Variants in CLGN observed in about 807,000 individuals in gnomAD.
The protein encoded by CLGN is testis tissue sperm-binding protein Li 79P.
A neutral mutation model predicts 79.1 loss-of-function variants in CLGN; 62 were observed. The ratio of observed to expected loss-of-function variants is 0.78; its 90% CI spans 0.64 to 0.97. The LOEUF (loss-of-function observed/expected upper bound fraction) is 0.97. Among genes scored for constraint, CLGN ranks in the 50% least tolerant of loss-of-function variants. CLGN has a pLI of 0.00. For synonymous variants in CLGN, 225 were observed against 224.7 expected, an observed-to-expected ratio of 1.00 and a Z score of -0.01; for missense variants, 647 against 715.5, an observed-to-expected ratio of 0.90 and a Z score of 1.09.
chr4:140,392,760 T>C, intron 11 of CLGN, 49 bp from the exon 12 acceptor site: 1 of 1,515,628 alleles, frequency 6.6e-7, no homozygotes, highest in Non-Finnish European at 8.8e-7. Flanking sequence ...TACAAACCTT[T>C]ACTGGGTAAC....
At chr4:140,399,140 C>CT (rs1728951024) in intron 7 of CLGN, 100 bp from the exon 8 acceptor site, 1 of 916,492 alleles carries the variant, frequency 1.1e-6, no homozygotes, top group Non-Finnish European at 1.5e-6. Flanking sequence ...ATGGGTAAAG[C>CT]TTTTTTCCCA....
chr4:140,396,036 C>T, intron 9 of CLGN, 56 bp downstream of exon 9: 1 of 1,609,546 alleles, frequency 6.2e-7, no homozygotes, highest in Admixed American at 1.7e-5. Context: ...AAACTAGTAA[C>T]AAAAATGCAT....
At chr4:140,395,787 T>G (rs574130294) in intron 10 of CLGN, 32 bp downstream of exon 10, 1 of 1,356,920 alleles carries the variant, frequency 7.4e-7, no homozygotes, top group South Asian at 2.6e-5. Flanking sequence ...CATTTTTAAC[T>G]TCACTAAATA....
chr4:140,395,800 TG>T lies in CLGN; in HGVS notation c.1149+18del, dbSNP rs1412882906. ...AACATTTTTAACTTCACTAAATAAT[TG>T]GAACAAGCGGTTGTTACCTGATAGT... On this transcript the variant is annotated intron_variant, in intron 10 of 14. Coordinates refer to ENST00000325617, the MANE Select transcript of CLGN (RefSeq NM_004362.3). The T allele has an allele frequency of 2.1e-5, 29 of 1,382,396 alleles. No homozygotes were observed. The highest frequency in any genetic ancestry group is 2.6e-5 in the Non-Finnish European group (28 of 1,061,960). 85.6% of individuals were successfully genotyped at this position (1,382,396 alleles called of 1,614,324 possible). A position where few individuals can be genotyped will look rare whatever the true frequency, so the allele number is the denominator to read the frequency against.
chr4:140,404,216 C>T (rs911216320), intron 5 of CLGN, among the ~76,000 whole-genome samples: 2 of 151,998 alleles, frequency 1.3e-5, no homozygotes, highest in South Asian at 4.2e-4. Flanking sequence ...GCCTCAGCCT[C>T]CCGAGTAGCT....
chr4:140,394,142 G>T, intron 10 of CLGN, 101 bp from the exon 11 acceptor site: 1 of 741,626 alleles, frequency 1.3e-6, no homozygotes. Flanking sequence ...AATGCTAACT[G>T]GAAAAAAGAG....
At chr4:140,404,707 T>C (rs1449175733) in intron 5 of CLGN, among the ~76,000 whole-genome samples, 1 of 151,988 alleles carries the variant, frequency 6.6e-6, no homozygotes, top group Non-Finnish European at 1.5e-5. Context: ...CAGGCTGCAA[T>C]GCACTGGTGT....
At chr4:140,425,724 G>A (rs535937577) in intron 1 of CLGN, among the ~76,000 whole-genome samples, 1 of 148,082 alleles carries the variant, frequency 6.8e-6, no homozygotes, top group East Asian at 2.0e-4. Flanking sequence ...TGCCTCCTTG[G>A]TTCAAGCGAT....
At chr4:140,427,031 G>T (rs1423534621) in intron 1 of CLGN, among the ~76,000 whole-genome samples, 1 of 152,202 alleles carries the variant, frequency 6.6e-6, no homozygotes, top group Non-Finnish European at 1.5e-5. Context: ...TTTTGATCTC[G>T]TTTGGGTTTC....
chr4:140,406,481 A>G (rs936552681), intron 4 of CLGN, among the ~76,000 whole-genome samples: 2 of 152,252 alleles, frequency 1.3e-5, no homozygotes, highest in Admixed American at 6.5e-5. Flanking sequence ...ACATAACACA[A>G]AATGAGTAGT....
At chr4:140,407,526 A>G (rs529812218) in intron 4 of CLGN, among the ~76,000 whole-genome samples, 1 of 152,084 alleles carries the variant, frequency 6.6e-6, no homozygotes, top group East Asian at 1.9e-4. Context: ...GTACTGCTAC[A>G]TAGCAACAAC....
chr4:140,411,906 A>G (rs1477886590), intron 2 of CLGN, among the ~76,000 whole-genome samples: 1 of 152,126 alleles, frequency 6.6e-6, no homozygotes, highest in Non-Finnish European at 1.5e-5. Context: ...TAGATTACTC[A>G]TGCTATAAAA....
In CLGN at chr4:140,396,077, A is replaced by G. The variant is rs371465824; in HGVS notation, c.998+15T>C. The G allele has an allele frequency of 2.4e-5, 38 of 1,612,312 alleles. No individual in the cohort carries two copies. The highest frequency in any genetic ancestry group is 3.0e-5 in the Non-Finnish European group (35 of 1,178,598). On this transcript the variant is annotated intron_variant, in intron 9 of 14. Transcript: ENST00000325617. Reference sequence around the variant, plus strand: ...AAACATTTGAAATCGACATTTGAAGATGAAGAGTGCTTACCAGTCATCAGG... The same window carrying G: ...AAACATTTGAAATCGACATTTGAAGGTGAAGAGTGCTTACCAGTCATCAGG...
intron 1 of CLGN, among the ~76,000 whole-genome samples, chr4:140,425,934 T>C (rs1459024664): frequency 6.6e-6 from 1 of 152,092 alleles, no homozygotes; most frequent in Non-Finnish European, 1.5e-5. Flanking sequence ...GGGCCTTCTT[T>C]CACTCTCAAC....
chr4:140,406,656 G>A (rs1413151238), intron 4 of CLGN, among the ~76,000 whole-genome samples: 1 of 152,174 alleles, frequency 6.6e-6, no homozygotes, highest in Non-Finnish European at 1.5e-5. Context: ...AGGCAGCAAA[G>A]CACTGCATAA....
chr4:140,414,869 G>A (rs1463855695), intron 1 of CLGN, among the ~76,000 whole-genome samples: 1 of 150,692 alleles, frequency 6.6e-6, no homozygotes, highest in East Asian at 1.9e-4. Flanking sequence ...GATACTCTTC[G>A]AGAAGAGCAA....
chr4:140,392,289 T>C lies in CLGN; in HGVS notation c.1581A>G (p.Lys527=), dbSNP rs1223682850. 6.2e-7 allele frequency: 1 copy of C among 1,613,468 alleles called. No individual in the cohort carries two copies. Among genetic ancestry groups the C allele is most frequent in the Non-Finnish European group, 8.5e-7 (1 of 1,179,610 alleles). The change falls in exon 13 of 15, where the codon AAA becomes AAG. Residue 527 remains lysine, a synonymous_variant. Transcript: ENST00000325617. ...GVLEQEEKEE[K]AALEKPMDLE... ...GGTCCATTGGTTTTTCCAGGGCTGC[T>C]TTCTCTTCCTTTTCTTCTTGCTCTA...
At chr4:140,402,990 G>C (rs1449928893) in intron 5 of CLGN, among the ~76,000 whole-genome samples, 1 of 151,758 alleles carries the variant, frequency 6.6e-6, no homozygotes, top group Non-Finnish European at 1.5e-5. Context: ...GTGACAAGAA[G>C]GTAAAACATG....
At chr4:140,407,841 G>C (rs1729137503) in intron 4 of CLGN, among the ~76,000 whole-genome samples, 1 of 151,814 alleles carries the variant, frequency 6.6e-6, no homozygotes, top group Non-Finnish European at 1.5e-5. Context: ...AAATCCAAAA[G>C]TTCATATGGA....
Sources: gnomAD v4.1 joint callset for allele counts (sites outside exome capture counted in the v4.1 genomes callset) on GRCh38, gnomAD v4.1.1 for gene constraint, MANE v1.5 for transcripts, NCBI Gene and HGNC (gene_info 2026-07-23, HGNC 2026-07-21) for gene names.